The following TBCK variants were observed in gnomAD, a reference collection of about 807,000 sequenced individuals.
The protein encoded by TBCK is TBC domain-containing protein kinase-like protein.
In TBCK, 99 loss-of-function variants were observed where a neutral mutation model predicts 113.4. The ratio of observed to expected loss-of-function variants is 0.87; its 90% CI spans 0.74 to 1.03. TBCK has a LOEUF of 1.03. TBCK is among the 50% of genes least tolerant of loss of function. The probability of loss-of-function intolerance (pLI) is 0.00; values close to 1 mark genes in which losing one functional copy is unlikely to be tolerated. For synonymous variants in TBCK, 369 were observed against 370.8 expected, an observed-to-expected ratio of 1.00 and a Z score of 0.05; for missense variants, 1,045 against 1,061.3, an observed-to-expected ratio of 0.98 and a Z score of 0.21.
At chr4:106,316,293 C>T (rs1198596533), upstream of TBCK, 3 of 435,830 alleles carry the variant, frequency 6.9e-6, no homozygotes, top group Non-Finnish European at 8.4e-6. Context: ...TTGTGGTGTC[C>T]TTCCCCTTGC....
chr4:106,229,468 T>C (rs562700331), intron 19 of TBCK, among the ~76,000 whole-genome samples: 75 of 152,164 alleles, frequency 4.9e-4, no homozygotes, highest in Non-Finnish European at 7.2e-4. Flanking sequence ...CATATGAAGA[T>C]CTAATTTCCT....
chr4:106,216,953 A>G (rs1235507405), intron 19 of TBCK, among the ~76,000 whole-genome samples: 1 of 152,198 alleles, frequency 6.6e-6, no homozygotes, highest in Non-Finnish European at 1.5e-5. Context: ...ATGAACATTG[A>G]TGCAAAAATC....
intron 23 of TBCK, among the ~76,000 whole-genome samples, chr4:106,142,621 C>T (rs1022937322): frequency 4.6e-4 from 70 of 152,026 alleles, no homozygotes; most frequent in African/African-American, 1.5e-3. Context: ...CTAGCCTTTC[C>T]GTAGAATTGT....
At chr4:106,109,108 A>G (rs930880308) in intron 24 of TBCK, among the ~76,000 whole-genome samples, 10 of 151,936 alleles carry the variant, frequency 6.6e-5, no homozygotes, top group Non-Finnish European at 1.3e-4. Context: ...ATTACAAAAC[A>G]CTACTCAAAG....
chr4:106,304,143 A>G (rs1422796612), intron 2 of TBCK, among the ~76,000 whole-genome samples: 3 of 152,092 alleles, frequency 2.0e-5, no homozygotes, highest in Non-Finnish European at 4.4e-5. Flanking sequence ...CTTCTCACAA[A>G]AGGCTATGCT....
chr4:106,071,077 T>C (rs1458758166), intron 25 of TBCK, among the ~76,000 whole-genome samples: 3 of 152,132 alleles, frequency 2.0e-5, no homozygotes. Flanking sequence ...TTTTGAAAGG[T>C]TTTTTGTTTC....
chr4:106,223,814 T>C (rs1303271626), intron 19 of TBCK, among the ~76,000 whole-genome samples: 2 of 152,136 alleles, frequency 1.3e-5, no homozygotes, highest in Non-Finnish European at 2.9e-5. Flanking sequence ...GCCTAAGATA[T>C]ACCTGTCCTG....
intron 23 of TBCK, 124 bp downstream of exon 23, chr4:106,170,971 T>A (rs1750918863): frequency 6.0e-6 from 4 of 667,962 alleles, no homozygotes; most frequent in Non-Finnish European, 9.3e-6. Flanking sequence ...AAATCATGTG[T>A]TAGAAAATAT....
intron 20 of TBCK, 33 bp from the exon 21 acceptor site, chr4:106,194,787 T>A (rs1754034924): frequency 1.3e-6 from 2 of 1,532,660 alleles, no homozygotes; most frequent in Non-Finnish European, 1.8e-6. Flanking sequence ...AGGGAATGGA[T>A]AAAAAGGAAA....
At chr4:106,070,877 T>C (rs1737333316) in intron 25 of TBCK, among the ~76,000 whole-genome samples, 1 of 152,204 alleles carries the variant, frequency 6.6e-6, no homozygotes, top group Non-Finnish European at 1.5e-5. Context: ...CTTGGGAGGA[T>C]GTATGTGTCC....
At chr4:106,208,490 C>T (rs1162198449) in intron 20 of TBCK, among the ~76,000 whole-genome samples, 3 of 151,716 alleles carry the variant, frequency 2.0e-5, no homozygotes, top group Non-Finnish European at 4.4e-5. Context: ...TATAAAAGCC[C>T]CAGGCTCAGC....
At chr4:106,048,219 G>A (rs1320348149) in intron 25 of TBCK, among the ~76,000 whole-genome samples, 5 of 151,996 alleles carry the variant, frequency 3.3e-5, no homozygotes, top group African/African-American at 7.3e-5. Flanking sequence ...TAAAGGTCTC[G>A]GTCAGTAGGT....
intron 25 of TBCK, among the ~76,000 whole-genome samples, chr4:106,054,623 A>C (rs1021318834): frequency 6.6e-6 from 1 of 151,678 alleles, no homozygotes; most frequent in East Asian, 1.9e-4. Context: ...TTTACTTGTT[A>C]CTGTTTCTCC....
intron 24 of TBCK, among the ~76,000 whole-genome samples, chr4:106,107,165 T>C (rs1325081584): frequency 6.6e-6 from 1 of 152,136 alleles, no homozygotes; most frequent in African/African-American, 2.4e-5. Context: ...CAAAGAGACA[T>C]CGACTCCCAC....
At chr4:106,109,060 A>G (rs926045967) in intron 24 of TBCK, among the ~76,000 whole-genome samples, 5 of 151,394 alleles carry the variant, frequency 3.3e-5, no homozygotes, top group African/African-American at 1.2e-4. Flanking sequence ...CCCTAGGAAT[A>G]CAGCACACCA....
chr4:106,175,543 A>G (rs1751568019), intron 22 of TBCK, among the ~76,000 whole-genome samples: 1 of 151,932 alleles, frequency 6.6e-6, no homozygotes, highest in Non-Finnish European at 1.5e-5. Flanking sequence ...CTTCCCAGAT[A>G]TGACCATAGG....
intron 25 of TBCK, among the ~76,000 whole-genome samples, chr4:106,055,045 C>T (rs1735227025): frequency 6.7e-6 from 1 of 149,940 alleles, no homozygotes; most frequent in South Asian, 2.1e-4. Flanking sequence ...AACATATCAT[C>T]TATATCCACC....
At chr4:106,232,137 A>C (rs190646769) in intron 17 of TBCK, among the ~76,000 whole-genome samples, 34 of 151,980 alleles carry the variant, frequency 2.2e-4, no homozygotes, top group African/African-American at 8.2e-4. Context: ...CTCATCTAGG[A>C]CATGGAGTTT....
chr4:106,232,138 C>T (rs1758926327), intron 17 of TBCK, among the ~76,000 whole-genome samples: 1 of 151,678 alleles, frequency 6.6e-6, no homozygotes, highest in Admixed American at 6.6e-5. Flanking sequence ...TCATCTAGGA[C>T]ATGGAGTTTT....
Sources: allele counts gnomAD v4.1 joint callset (sites outside exome capture counted in the v4.1 genomes callset), GRCh38; gene constraint gnomAD v4.1.1; transcripts MANE v1.5; gene names NCBI Gene and HGNC (gene_info 2026-07-23, HGNC 2026-07-21).